Variants in PTRH1 observed in about 807,000 individuals in gnomAD.
The protein encoded by PTRH1 is peptidyl-tRNA hydrolase.
A neutral mutation model predicts 15.7 loss-of-function variants in PTRH1; 13 were observed. The observed-to-expected ratio is 0.83, with a 90% CI of 0.54 to 1.31. The LOEUF (loss-of-function observed/expected upper bound fraction) is 1.31. PTRH1 is among the 40% of genes most tolerant of loss of function. The pLI, the probability that PTRH1 is intolerant of heterozygous loss-of-function variation, is 0.00. For synonymous variants in PTRH1, 139 were observed against 136.7 expected (o/e 1.02, Z -0.12); for missense variants, 319 against 296.2 (o/e 1.08, Z -0.56).
At chr9:127,712,749 T>A (rs749054064), downstream of PTRH1, 1 of 1,614,138 alleles carries the variant, frequency 6.2e-7, no homozygotes, top group Non-Finnish European at 8.5e-7. Flanking sequence ...GACGTGACGT[T>A]CCAGCCATGG....
intron 1 of PTRH1, among the ~76,000 whole-genome samples, chr9:127,702,212 A>T (rs1842609606): frequency 6.6e-6 from 1 of 151,688 alleles, no homozygotes; most frequent in Non-Finnish European, 1.5e-5. Context: ...TCTCTACTAA[A>T]AATACAAAAA....
In PTRH1 at chr9:127,702,359, C is replaced by G. The variant is rs960352213; in HGVS notation, c.206-7218G>C. Among the ~76,000 whole-genome samples the G allele has an allele frequency of 2.0e-4, 28 of 137,462 alleles. No individual in the cohort carries two copies. The Admixed American group carries it at 2.1e-3, about 10-fold the overall frequency. 90.2% of individuals were successfully genotyped at this position (137,462 alleles called of 152,430 possible). A position where few individuals can be genotyped will look rare whatever the true frequency, so the allele number is the denominator to read the frequency against. On this transcript the variant is annotated intron_variant, in intron 1 of 2. Transcript: ENST00000335223. ...CTGCACTCCAGCCTGGGTGACAGAG[C>G]AAGATTCCGTCTCCAAAAAAAAAAA...
intron 1 of PTRH1, among the ~76,000 whole-genome samples, chr9:127,698,866 A>AGCTGTC (rs1402778865): frequency 6.6e-6 from 1 of 150,522 alleles, no homozygotes; most frequent in African/African-American, 2.4e-5. Flanking sequence ...CCGCCCCTGG[A>AGCTGTC]GCTGTCCCTG....
At chr9:127,714,923 C>T (rs544246682) in intron 2 of PTRH1, 52 bp downstream of exon 2, 4 of 835,144 alleles carry the variant, frequency 4.8e-6, no homozygotes, top group Admixed American at 5.4e-5. Flanking sequence ...CCCCCGCGCC[C>T]CAACCCCCAC....
At chr9:127,714,941 G>GT in intron 2 of PTRH1, 34 bp downstream of exon 2, 2 of 446,376 alleles carry the variant, frequency 4.5e-6, no homozygotes, top group South Asian at 2.1e-5. Context: ...CACCCCCTTG[G>GT]CCCGCCCGCC....
At chr9:127,711,693 T>G (rs1205191368), downstream of PTRH1, 2 of 1,219,430 alleles carry the variant, frequency 1.6e-6, no homozygotes, top group African/African-American at 3.1e-5. Flanking sequence ...CCATAACTTA[T>G]GGAAGCAGAG....
downstream of PTRH1, chr9:127,712,874 A>C: frequency 6.2e-7 from 1 of 1,609,236 alleles, no homozygotes. Context: ...ACCCAAGGAG[A>C]GGTAAGCAAG....
In PTRH1 at chr9:127,715,190, G is replaced by C. The variant is rs1842925520; in HGVS notation, c.101C>G (p.Ala34Gly). ...PRPPGKRWMV[A>G]GLGNPGLPGT... ...GGGCAGTCCGGGATTCCCCAGGCCA[G>C]CCACCTGCGGGCGGCACCAGGGAAA... is the stretch of plus-strand genomic sequence containing the variant. The change falls in exon 2 of 5, where the codon GCT becomes GGT. Residue 34 changes from alanine (A) to glycine (G), a missense_variant. By Grantham distance (60) the Ala-to-Gly change is moderately conservative (BLOSUM62 0). Coordinates refer to ENST00000543175, the MANE Select transcript of PTRH1 (RefSeq NM_001002913.3). This position sits in a 1 kb window ranked among gnomAD's most constrained non-coding sequence, Gnocchi z 5.8. 1 of 1,526,116 alleles carries C rather than the reference G, an allele frequency of 6.6e-7. No individual in the cohort carries two copies. Among genetic ancestry groups the C allele is most frequent in the African/African-American group, 1.4e-5 (1 of 72,696 alleles). The allele number at this position is 1,526,116 out of a possible 1,614,324, so 94.5% of individuals were successfully genotyped here. A position where few individuals can be genotyped will look rare whatever the true frequency, so the allele number is the denominator to read the frequency against.
chr9:127,707,240 A>G, intron 1 of PTRH1: 1 of 1,588,930 alleles, frequency 6.3e-7, no homozygotes, highest in East Asian at 2.2e-5. Flanking sequence ...TCAGAAGCCC[A>G]TGCCCAGGTG....
downstream of PTRH1, chr9:127,712,403 T>C (rs1842787966): frequency 6.3e-7 from 1 of 1,595,454 alleles, no homozygotes; most frequent in Non-Finnish European, 8.6e-7. Flanking sequence ...GAGCGCAAGA[T>C]GGAAGCTGCT....
chr9:127,702,941 G>A (rs941091307), intron 1 of PTRH1, among the ~76,000 whole-genome samples: 39 of 149,816 alleles, frequency 2.6e-4, no homozygotes, highest in Admixed American at 4.6e-4. Flanking sequence ...GGCTGGTCTC[G>A]AGCTCCTGAC....
At chr9:127,711,591 AGGAG>A, downstream of PTRH1, 2 of 1,476,854 alleles carry the variant, frequency 1.4e-6, no homozygotes, top group Non-Finnish European at 1.8e-6. Flanking sequence ...CAGTCAAGTC[AGGAG>A]GGAGGGAGGC....
At position 127,714,209 on chromosome 9, in the gene PTRH1, C is replaced by A. The variant is rs761187751; in HGVS notation, c.536G>T (p.Cys179Phe). 6.2e-7 allele frequency: 1 copy of A among 1,613,932 alleles called. No individual in the cohort carries two copies. The highest frequency in any genetic ancestry group is 1.1e-5 in the South Asian group (1 of 91,084). Reference sequence around the variant, plus strand: ...CAGCTCCTGCTCAGCAGGGGAGAAGCAGCCCAGCACATGGGCCTGAACCGC... The same window carrying A: ...CAGCTCCTGCTCAGCAGGGGAGAAGAAGCCCAGCACATGGGCCTGAACCGC... ...PEAVQAHVLG[C>F]FSPAEQELLP... is the part of the protein sequence containing the mutation. Residue 179 changes from cysteine to phenylalanine, a missense_variant, in exon 5 of 5, where the codon TGC (cysteine) becomes TTC (phenylalanine). Physicochemically the swap from Cys to Phe is radical, Grantham distance 205 (BLOSUM62 -2). Transcript: ENST00000543175.
Position 127,715,322 on chromosome 9 carries a change from G to T in PTRH1, c.97-128C>A. 1 of 1,297,678 alleles carries T rather than the reference G, an allele frequency of 7.7e-7. No individual in the cohort carries two copies. Among genetic ancestry groups the T allele is most frequent in the East Asian group, 2.5e-5 (1 of 39,826 alleles). The allele number at this position is 1,297,678 out of a possible 1,614,324, so 80.4% of individuals were successfully genotyped here. On this transcript the variant is annotated intron_variant, in intron 1 of 4. Coordinates refer to ENST00000543175, the MANE Select transcript of PTRH1 (RefSeq NM_001002913.3). This position sits in a 1 kb window ranked among gnomAD's most constrained non-coding sequence, Gnocchi z 5.8. ...CGCTGCAGTGGGGAAGGGGCGCGAA[G>T]AAGGGGCCCAGAAACCCGACCCCTG...
chr9:127,713,328 C>A, downstream of PTRH1: 1 of 767,916 alleles, frequency 1.3e-6, no homozygotes, highest in Non-Finnish European at 2.0e-6. Context: ...TGAGCCTTCC[C>A]ATCTGTAAAA....
In PTRH1 at chr9:127,715,515, C is replaced by T. The variant is rs1217613466; in HGVS notation, c.96+29G>A. The T allele has an allele frequency of 6.2e-7, 1 of 1,612,864 alleles. No homozygotes were observed. Among genetic ancestry groups the T allele is most frequent in the South Asian group, 1.1e-5 (1 of 91,074 alleles). ...CCGAACTGAAGCTAGGGACCGGGAG[C>T]CCCTACGTCGCCGCCCCACGCCACT... On this transcript the variant is annotated intron_variant, in intron 1 of 4. Transcript: ENST00000543175. The surrounding 1 kb of genome is among the most constrained non-coding windows in gnomAD (Gnocchi z 5.8).
chr9:127,709,779 A>G (rs1842723146), downstream of PTRH1: 1 of 1,409,566 alleles, frequency 7.1e-7, no homozygotes, highest in African/African-American at 1.4e-5. This position sits in a 1 kb window ranked among gnomAD's most constrained non-coding sequence, Gnocchi z 4.7. Context: ...AACAGGGATA[A>G]TAGCCACATG....
At chr9:127,710,790 G>C (rs1285552952), downstream of PTRH1, 1 of 1,550,220 alleles carries the variant, frequency 6.5e-7, no homozygotes, top group African/African-American at 1.4e-5. Flanking sequence ...GCCTTTGGAG[G>C]CTTCATCCCT....
At position 127,715,627 on chromosome 9, in the gene PTRH1, C is replaced by T. The variant is rs773635828; in HGVS notation, c.13G>A (p.Gly5Ser). The T allele has an allele frequency of 8.9e-5, 144 of 1,612,268 alleles. No homozygotes were observed. Among genetic ancestry groups the T allele is most frequent in the Non-Finnish European group, 1.2e-4 (136 of 1,179,942 alleles). Residue 5 changes from glycine (G) to serine (S), a missense_variant, in exon 1 of 5, where the codon GGC (glycine) becomes AGC (serine). Transcript: ENST00000543175. This position sits in a 1 kb window ranked among gnomAD's most constrained non-coding sequence, Gnocchi z 5.8. MRPG[G>S]FLGAGQRLSR... ...AGCCGCTGTCCGGCGCCCAAAAAGC[C>T]GCCCGGCCTCATGCTGCCCCCATTC...
Sources: allele counts gnomAD v4.1 joint callset (sites outside exome capture counted in the v4.1 genomes callset), GRCh38; gene constraint gnomAD v4.1.1; non-coding constraint Gnocchi (gnomAD v3.1); transcripts MANE v1.5; gene names NCBI Gene and HGNC (gene_info 2026-07-23, HGNC 2026-07-21).